The following MAP3K1 variants were observed in gnomAD, a reference collection of about 807,000 sequenced individuals.
MAP3K1 encodes MAP/ERK kinase kinase 1.
MAP3K1 carries 36 observed loss-of-function variants against 144.2 expected under a neutral mutation model. The observed-to-expected ratio is 0.25, with a 90% CI of 0.19 to 0.33. MAP3K1 has a LOEUF of 0.33. MAP3K1 is among the 10% of genes least tolerant of loss of function. The pLI, the probability that MAP3K1 is intolerant of heterozygous loss-of-function variation, is 1.00. For missense variants in MAP3K1, 1,650 were observed against 1,881.9 expected (o/e 0.88, Z 2.28); for synonymous variants, 718 against 688.7 (o/e 1.04, Z -0.67).
In MAP3K1 at chr5:56,859,867, G is replaced by T. The variant is rs1382596856; in HGVS notation, c.786G>T (p.Val262=). Residue 262 remains valine, a synonymous_variant, in exon 3 of 20, where the codon GTG becomes GTT. Coordinates refer to ENST00000399503, the MANE Select transcript of MAP3K1 (RefSeq NM_005921.2). ...GCAACTCCCCATCAGGTCGCACAGTGAAATCAGAATCTCCAGGAGTAAGGA... is the reference window on the plus strand; with the variant it reads ...GCAACTCCCCATCAGGTCGCACAGTTAAATCAGAATCTCCAGGAGTAAGGA... ...SPGNSPSGRT[V]KSESPGVRRK... 1 of 1,613,772 alleles carries T rather than the reference G, an allele frequency of 6.2e-7. No individual in the cohort carries two copies. Among genetic ancestry groups the T allele is most frequent in the Admixed American group, 1.7e-5 (1 of 60,002 alleles).
chr5:56,835,130 A>T (rs1262734282), intron 1 of MAP3K1, among the ~76,000 whole-genome samples: 1 of 152,170 alleles, frequency 6.6e-6, no homozygotes, highest in African/African-American at 2.4e-5. Context: ...TGGCAATCTT[A>T]ATTCCTTGAT....
intron 19 of MAP3K1, among the ~76,000 whole-genome samples, chr5:56,888,642 C>T (rs918412546): frequency 2.0e-4 from 31 of 152,148 alleles, no homozygotes; most frequent in East Asian, 3.9e-4. Flanking sequence ...AGTCACAGCT[C>T]CCAGTCAGCC....
intron 9 of MAP3K1, among the ~76,000 whole-genome samples, chr5:56,873,298 C>T (rs1041590039): frequency 6.6e-6 from 1 of 152,182 alleles, no homozygotes; most frequent in Non-Finnish European, 1.5e-5. Context: ...AAACCAGAAC[C>T]CTTCAATGCT....
intron 1 of MAP3K1, among the ~76,000 whole-genome samples, chr5:56,828,452 A>G (rs1319405611): frequency 6.6e-6 from 1 of 152,228 alleles, no homozygotes; most frequent in Non-Finnish European, 1.5e-5. Context: ...TGAAACAACA[A>G]TTAGTTTTTT....
rs761534801 is a variant in MAP3K1 at position 56,865,854 on chromosome 5, A to T, written c.1178A>T (p.His393Leu). 1.2e-6 allele frequency: 2 copies of T among 1,614,116 alleles called. No homozygotes were observed. Among genetic ancestry groups the T allele is most frequent in the East Asian group, 2.2e-5 (1 of 44,868 alleles). The change falls in exon 6 of 20, where the codon CAC becomes CTC. Residue 393 changes from histidine to leucine, a missense_variant. Transcript: ENST00000399503. ...GTTGAGAGTTTGTTCCAGAAATATCACAGTAGGCGTAGCTCAAGGATCAAA... is the reference window on the plus strand; with the variant it reads ...GTTGAGAGTTTGTTCCAGAAATATCTCAGTAGGCGTAGCTCAAGGATCAAA... The part of the protein sequence containing the change: ...FEVESLFQKY[H>L]SRRSSRIKAP...
chr5:56,864,778 A>G lies in MAP3K1; in HGVS notation c.879A>G (p.Pro293=), dbSNP rs777012927. Residue 293 remains proline, a synonymous_variant, in exon 4 of 20, where the codon CCA becomes CCG. Transcript: ENST00000399503. ...CACCACCCCGAAGAGCCCCTTCACC[A>G]GATGGCTTCTCACCATATAGCCCTG... ...RITPPRRAPS[P]DGFSPYSPEE... 4 of 1,614,034 alleles carry G rather than the reference A, an allele frequency of 2.5e-6. No individual in the cohort carries two copies. In the African/African-American group the frequency reaches 4.0e-5, roughly 16 times the overall value.
At chr5:56,885,331 G>A (rs1345961912) in intron 16 of MAP3K1, among the ~76,000 whole-genome samples, 1 of 152,082 alleles carries the variant, frequency 6.6e-6, no homozygotes, top group Non-Finnish European at 1.5e-5. Flanking sequence ...CAGATTGTTT[G>A]GTTTAACTTC....
chr5:56,862,746 G>A (rs554949095), intron 3 of MAP3K1, among the ~76,000 whole-genome samples: 5 of 151,748 alleles, frequency 3.3e-5, no homozygotes, highest in East Asian at 1.9e-4. Context: ...TCAAAATGAC[G>A]TGTGCATGCA....
intron 14 of MAP3K1, 108 bp from the exon 15 acceptor site, chr5:56,883,419 T>A: frequency 9.8e-7 from 1 of 1,017,866 alleles, no homozygotes; most frequent in Admixed American, 1.9e-5. Context: ...AGGTCACATT[T>A]ATAGGTGGTT....
In MAP3K1 at chr5:56,875,173, A is replaced by C; in HGVS notation, c.1828A>C (p.Ser610Arg). The change falls in exon 10 of 20, where the codon AGT becomes CGT. Residue 610 changes from serine to arginine, a missense_variant. By Grantham distance (110) the Ser-to-Arg change is moderately radical (BLOSUM62 -1). Transcript: ENST00000399503. ...GESTGNSGGS[S>R]GSSPSGGATS... ...GAGCACTGGAAATTCTGGGGGCAGC[A>C]GTGGAAGCAGCCCGAGTGGGGGAGC... 1 of 1,614,198 alleles carries C rather than the reference A, an allele frequency of 6.2e-7. No individual in the cohort carries two copies. The highest frequency in any genetic ancestry group is 8.5e-7 in the Non-Finnish European group (1 of 1,180,024).
At chr5:56,877,565 C>T (rs1748079156) in intron 10 of MAP3K1, among the ~76,000 whole-genome samples, 1 of 147,594 alleles carries the variant, frequency 6.8e-6, no homozygotes, top group African/African-American at 2.5e-5. Context: ...TTTTTTGCAG[C>T]ATCATGACAC....
intron 14 of MAP3K1, among the ~76,000 whole-genome samples, 165 bp from the exon 15 acceptor site, chr5:56,883,362 G>T (rs1748285758): frequency 6.6e-6 from 1 of 152,212 alleles, no homozygotes; most frequent in South Asian, 2.1e-4. Context: ...TTGTATAATG[G>T]TGATTACTTT....
chr5:56,882,188 C>T lies in MAP3K1; in HGVS notation c.2988C>T (p.Gly996=), dbSNP rs1266184671. Residue 996 remains glycine, a synonymous_variant, in exon 14 of 20, where the codon GGC becomes GGT. Transcript: ENST00000399503. The part of the protein sequence containing the change: ...PSSSTPSVPA[G]TATDVSKHRL... The stretch of plus-strand genomic sequence containing the variant: ...CTTCTACCCCATCTGTACCAGCTGG[C>T]ACTGCAACAGATGTCTCTAAGCATA... 2.5e-6 allele frequency: 4 copies of T among 1,613,960 alleles called. No individual in the cohort carries two copies. Among genetic ancestry groups the T allele is most frequent in the Non-Finnish European group, 3.4e-6 (4 of 1,179,876 alleles).
At position 56,859,906 on chromosome 5, in the gene MAP3K1, C is replaced by T. The variant is rs1747454945; in HGVS notation, c.825C>T (p.Ser275=). Reference sequence around the variant, plus strand: ...CAGGAGTAAGGAGAAAAAGAGTTTCCCCAGTGCCTGTAAGTTAATGTTACA... The same window carrying T: ...CAGGAGTAAGGAGAAAAAGAGTTTCTCCAGTGCCTGTAAGTTAATGTTACA... The part of the protein sequence containing the change: ...ESPGVRRKRV[S]PVPFQSGRIT... The change falls in exon 3 of 20, where the codon TCC becomes TCT. Residue 275 remains serine, a synonymous_variant. Coordinates refer to ENST00000399503, the MANE Select transcript of MAP3K1 (RefSeq NM_005921.2). 1 of 1,610,764 alleles carries T rather than the reference C, an allele frequency of 6.2e-7. No individual in the cohort carries two copies. Among genetic ancestry groups the T allele is most frequent in the African/African-American group, 1.3e-5 (1 of 74,808 alleles).
At chr5:56,861,584 A>G (rs1405305941) in intron 3 of MAP3K1, among the ~76,000 whole-genome samples, 4 of 76,120 alleles carry the variant, frequency 5.3e-5, no homozygotes, top group African/African-American at 1.9e-4. Flanking sequence ...AAAAAAAAAA[A>G]AAAAAAGGGG....
At chr5:56,853,555 C>T (rs1477387143) in intron 1 of MAP3K1, among the ~76,000 whole-genome samples, 3 of 152,162 alleles carry the variant, frequency 2.0e-5, no homozygotes, top group African/African-American at 7.2e-5. Context: ...GGTCCCCTCA[C>T]TCATGGAGCT....
At chr5:56,854,967 G>T (rs1359937547) in intron 1 of MAP3K1, among the ~76,000 whole-genome samples, 1 of 152,200 alleles carries the variant, frequency 6.6e-6, no homozygotes, top group African/African-American at 2.4e-5. Flanking sequence ...ACTTGGAAGT[G>T]AATTTTTATT....
chr5:56,817,590 A>G (rs1040256365), intron 1 of MAP3K1, among the ~76,000 whole-genome samples: 1 of 152,214 alleles, frequency 6.6e-6, no homozygotes, highest in Non-Finnish European at 1.5e-5. Flanking sequence ...TGTACATGTA[A>G]TTTATTCTTA....
intron 10 of MAP3K1, among the ~76,000 whole-genome samples, chr5:56,877,357 C>T (rs1748070772): frequency 6.6e-6 from 1 of 152,050 alleles, no homozygotes; most frequent in African/African-American, 2.4e-5. Flanking sequence ...AGACTGTTTC[C>T]CAACTAGCTT....
Sources: allele counts gnomAD v4.1 joint callset (sites outside exome capture counted in the v4.1 genomes callset), GRCh38; gene constraint gnomAD v4.1.1; transcripts MANE v1.5; gene names NCBI Gene and HGNC (gene_info 2026-07-23, HGNC 2026-07-21).